ANO3: variants seen among roughly 807,000 people sequenced by gnomAD.
ANO3 encodes anoctamin-3.
Under a neutral mutation model 144.8 loss-of-function variants are expected in ANO3, and 99 were observed. That is an observed-to-expected ratio of 0.68 (90% CI 0.58 to 0.81). The LOEUF (loss-of-function observed/expected upper bound fraction) is 0.81. Among genes scored for constraint, ANO3 ranks in the 30% least tolerant of loss-of-function variants. The probability of loss-of-function intolerance (pLI) is 0.00; values close to 1 mark genes in which losing one functional copy is unlikely to be tolerated. For synonymous variants in ANO3, 414 were observed against 392.6 expected (o/e 1.05, Z -0.64); for missense variants, 905 against 1,202.2 (o/e 0.75, Z 3.66).
intron 18 of ANO3, among the ~76,000 whole-genome samples, chr11:26,627,313 C>T (rs929106795): frequency 1.3e-4 from 20 of 151,606 alleles, no homozygotes; most frequent in African/African-American, 4.6e-4. Context: ...CCTCCTTCTC[C>T]TCCTCTTCCC....
chr11:26,538,812 G>T (rs1849574001), intron 10 of ANO3, among the ~76,000 whole-genome samples: 1 of 152,126 alleles, frequency 6.6e-6, no homozygotes, highest in African/African-American at 2.4e-5. Flanking sequence ...TGAAATACAA[G>T]AAAGTAAATT....
At chr11:26,352,799 C>G (rs1194214061) in intron 1 of ANO3, among the ~76,000 whole-genome samples, 1 of 152,132 alleles carries the variant, frequency 6.6e-6, no homozygotes, top group African/African-American at 2.4e-5. Context: ...AATGGCCTTG[C>G]CTATGCCTGA....
intron 3 of ANO3, among the ~76,000 whole-genome samples, chr11:26,449,507 ACACACACACACACG>A (rs1156315155): frequency 2.8e-4 from 13 of 46,570 alleles, no homozygotes; most frequent in South Asian, 3.1e-3. Flanking sequence ...ACACACACAC[ACACACACACACACG>A]CACGCACATC....
chr11:26,270,961 A>G (rs1853426664), intron 1 of ANO3, among the ~76,000 whole-genome samples: 1 of 152,204 alleles, frequency 6.6e-6, no homozygotes, highest in Non-Finnish European at 1.5e-5. Context: ...TATTAATTCA[A>G]CACAGCTGGA....
At chr11:26,289,541 ATATT>A (rs1853889939) in intron 1 of ANO3, among the ~76,000 whole-genome samples, 1 of 137,082 alleles carries the variant, frequency 7.3e-6, no homozygotes, top group African/African-American at 2.9e-5. Context: ...TAGAATATAT[ATATT>A]CTATATGTGT....
intron 1 of ANO3, among the ~76,000 whole-genome samples, chr11:26,206,842 C>T (rs1247221884): frequency 1.3e-5 from 2 of 152,114 alleles, no homozygotes; most frequent in Admixed American, 6.6e-5. Context: ...AAAACTGCGC[C>T]GTTTCAGTTT....
intron 4 of ANO3, among the ~76,000 whole-genome samples, chr11:26,477,650 A>G (rs942490616): frequency 6.6e-6 from 1 of 152,128 alleles, no homozygotes; most frequent in Admixed American, 6.6e-5. Context: ...TTACCTTTGC[A>G]TTGTGCATAG....
intron 1 of ANO3, among the ~76,000 whole-genome samples, chr11:26,356,266 C>T (rs1855780985): frequency 6.6e-6 from 1 of 152,064 alleles, no homozygotes; most frequent in African/African-American, 2.4e-5. Flanking sequence ...TTGTAAACTA[C>T]ACGTACTTAA....
At chr11:26,384,978 C>T (rs1856685583) in intron 1 of ANO3, among the ~76,000 whole-genome samples, 1 of 152,186 alleles carries the variant, frequency 6.6e-6, no homozygotes, top group Non-Finnish European at 1.5e-5. Flanking sequence ...CCAAAATCCT[C>T]TACCCTCTAG....
chr11:26,419,976 G>T (rs376660865), intron 1 of ANO3, among the ~76,000 whole-genome samples: 1 of 152,022 alleles, frequency 6.6e-6, no homozygotes, highest in Non-Finnish European at 1.5e-5. Flanking sequence ...TGCACCTCCC[G>T]GAGTCTTAAA....
At chr11:26,283,368 C>G (rs1424551899) in intron 1 of ANO3, among the ~76,000 whole-genome samples, 2 of 63,984 alleles carry the variant, frequency 3.1e-5, no homozygotes, top group Non-Finnish European at 7.0e-5. Context: ...ATATATATAG[C>G]GAGCATTTTT....
chr11:26,384,305 T>C (rs12270746), intron 1 of ANO3, among the ~76,000 whole-genome samples: 40,589 of 151,992 alleles, frequency 0.27, 6,090 homozygotes, highest in African/African-American at 0.41. Flanking sequence ...ATAGATGCTC[T>C]CCCAATTTTA....
At chr11:26,473,027 T>C (rs1406747077) in intron 4 of ANO3, among the ~76,000 whole-genome samples, 1 of 151,978 alleles carries the variant, frequency 6.6e-6, no homozygotes, top group Non-Finnish European at 1.5e-5. Flanking sequence ...CGGAAACCCA[T>C]TTGCTTTCAT....
chr11:26,555,361 G>T (rs1192144151), intron 13 of ANO3, among the ~76,000 whole-genome samples: 1 of 152,144 alleles, frequency 6.6e-6, no homozygotes, highest in East Asian at 1.9e-4. Context: ...TCTTTCACTT[G>T]GACATATCTA....
intron 1 of ANO3, among the ~76,000 whole-genome samples, chr11:26,273,632 G>GCACA (rs3220654): frequency 0.024 from 3,372 of 140,222 alleles, 51 homozygotes; most frequent in African/African-American, 0.035. Flanking sequence ...TGTGGATATG[G>GCACA]CACACACACA....
chr11:26,270,576 C>T (rs2133835737), intron 1 of ANO3, among the ~76,000 whole-genome samples: 1 of 152,306 alleles, frequency 6.6e-6, no homozygotes, highest in Admixed American at 6.5e-5. Flanking sequence ...TCACTCCTAT[C>T]AATCTCAAAG....
At chr11:26,243,745 G>A (rs1042122135) in intron 1 of ANO3, among the ~76,000 whole-genome samples, 2 of 151,784 alleles carry the variant, frequency 1.3e-5, no homozygotes, top group Admixed American at 6.6e-5. Context: ...CTGCTTCTTT[G>A]GGTTTTTTAA....
intron 1 of ANO3, among the ~76,000 whole-genome samples, chr11:26,412,247 T>C (rs1459489961): frequency 6.6e-6 from 1 of 151,964 alleles, no homozygotes; most frequent in Non-Finnish European, 1.5e-5. Flanking sequence ...AGCCACCTGT[T>C]AGATGGGGAG....
intron 1 of ANO3, among the ~76,000 whole-genome samples, chr11:26,374,387 A>G (rs867829165): frequency 1.5e-4 from 23 of 152,318 alleles, no homozygotes; most frequent in Admixed American, 2.6e-4. Context: ...GTGACCCACA[A>G]CTAGAATTAC....
Sources: allele counts gnomAD v4.1 joint callset (sites outside exome capture counted in the v4.1 genomes callset), GRCh38; gene constraint gnomAD v4.1.1; transcripts MANE v1.5; gene names NCBI Gene and HGNC (gene_info 2026-07-23, HGNC 2026-07-21).